SHROOM3: variants seen among roughly 807,000 people sequenced by gnomAD.
The protein encoded by SHROOM3 is shroom family member 3.
SHROOM3 carries 47 observed loss-of-function variants against 138.6 expected under a neutral mutation model. That is an observed-to-expected ratio of 0.34 (90% confidence interval 0.27 to 0.43). The LOEUF is 0.43. Ranked by LOEUF, SHROOM3 falls within the 20% of genes least tolerant of loss-of-function variation. SHROOM3 has a pLI of 1.00. For synonymous variants in SHROOM3, 1,062 were observed against 1,063.3 expected (o/e 1.00, Z 0.02); for missense variants, 2,491 against 2,596.5 (o/e 0.96, Z 0.88).
At chr4:76,455,825 C>G (rs1269497862) in intron 1 of SHROOM3, among the ~76,000 whole-genome samples, 1 of 151,956 alleles carries the variant, frequency 6.6e-6, no homozygotes, top group Non-Finnish European at 1.5e-5. Flanking sequence ...TTGGAAGGCA[C>G]CAAGTATTAA....
intron 1 of SHROOM3, among the ~76,000 whole-genome samples, chr4:76,484,461 C>A (rs1183297230): frequency 6.6e-6 from 1 of 151,954 alleles, no homozygotes; most frequent in Admixed American, 6.6e-5. Flanking sequence ...GTCCCAGCTA[C>A]TTGGGAGGCT....
chr4:76,630,640 A>G (rs945846197), intron 2 of SHROOM3, among the ~76,000 whole-genome samples: 3 of 152,168 alleles, frequency 2.0e-5, no homozygotes, highest in Admixed American at 2.0e-4. Context: ...AATCAGTCAC[A>G]AAAAAGTGAT....
chr4:76,599,812 G>C (rs566476303), intron 2 of SHROOM3, among the ~76,000 whole-genome samples: 6 of 152,242 alleles, frequency 3.9e-5, no homozygotes, highest in African/African-American at 1.4e-4. Context: ...CCACATGCTG[G>C]TCACAAGTGG....
At chr4:76,650,362 A>G (rs965330102) in intron 2 of SHROOM3, among the ~76,000 whole-genome samples, 4 of 152,144 alleles carry the variant, frequency 2.6e-5, no homozygotes, top group Non-Finnish European at 2.9e-5. Flanking sequence ...CACAACCACT[A>G]TGGAGAACAG....
chr4:76,496,381 G>C (rs1277192384), intron 1 of SHROOM3, among the ~76,000 whole-genome samples: 1 of 152,204 alleles, frequency 6.6e-6, no homozygotes, highest in East Asian at 1.9e-4. Flanking sequence ...TCGTGGAGCA[G>C]GTGTCCCTAA....
chr4:76,762,943 G>A (rs375244204), intron 9 of SHROOM3, among the ~76,000 whole-genome samples: 8 of 152,104 alleles, frequency 5.3e-5, no homozygotes, highest in South Asian at 2.1e-4. Flanking sequence ...AGAATGTATC[G>A]GTAGGAGTCA....
At chr4:76,439,789 T>A (rs1730631901) in intron 1 of SHROOM3, among the ~76,000 whole-genome samples, 1 of 152,194 alleles carries the variant, frequency 6.6e-6, no homozygotes, top group Admixed American at 6.5e-5. Flanking sequence ...TTTCTTTAGA[T>A]ATAAATGAGG....
At chr4:76,599,803 C>T (rs754342035) in intron 2 of SHROOM3, among the ~76,000 whole-genome samples, 35 of 152,118 alleles carry the variant, frequency 2.3e-4, no homozygotes, top group Non-Finnish European at 3.5e-4. Flanking sequence ...ACCTGCAGGC[C>T]ACATGCTGGT....
intron 2 of SHROOM3, among the ~76,000 whole-genome samples, chr4:76,567,330 T>C (rs1733746010): frequency 6.6e-6 from 1 of 151,956 alleles, no homozygotes; most frequent in South Asian, 2.1e-4. Context: ...AGGTCAGGAG[T>C]TCGAGACCAG....
chr4:76,492,992 G>A (rs1731885714), intron 1 of SHROOM3, among the ~76,000 whole-genome samples: 1 of 152,082 alleles, frequency 6.6e-6, no homozygotes, highest in South Asian at 2.1e-4. Flanking sequence ...AGGCCAAGGT[G>A]GGTGAATCAC....
intron 7 of SHROOM3, among the ~76,000 whole-genome samples, chr4:76,755,502 A>C (rs1358089252): frequency 1.3e-5 from 2 of 152,192 alleles, no homozygotes; most frequent in Non-Finnish European, 2.9e-5. Context: ...GTTAGGAAAT[A>C]AGACAAAAGA....
chr4:76,724,413 T>C (rs1412693256), intron 3 of SHROOM3, among the ~76,000 whole-genome samples: 1 of 152,166 alleles, frequency 6.6e-6, no homozygotes, highest in Non-Finnish European at 1.5e-5. Context: ...AAGTCAGCTG[T>C]TTAACTGAAA....
chr4:76,701,576 TTAAAG>T (rs549827599), intron 2 of SHROOM3, among the ~76,000 whole-genome samples: 43 of 152,368 alleles, frequency 2.8e-4, no homozygotes, highest in African/African-American at 1.0e-3. Context: ...TAATCTGGTA[TTAAAG>T]TAATGAATAA....
chr4:76,769,088 CA>C (rs989097146), intron 9 of SHROOM3, among the ~76,000 whole-genome samples: 16 of 151,518 alleles, frequency 1.1e-4, no homozygotes, highest in Non-Finnish European at 2.1e-4. Context: ...TTCTGTTGGT[CA>C]AAAATATGTT....
Position 76,754,702 on chromosome 4 carries a change from G to A in SHROOM3, c.4219G>A (p.Gly1407Ser). 1 of 1,614,196 alleles carries A rather than the reference G, an allele frequency of 6.2e-7. No homozygotes were observed. The highest frequency in any genetic ancestry group is 8.5e-7 in the Non-Finnish European group (1 of 1,180,032). ...PPGPRGCEGD[G>S]PEHGVEEGTR... ...CGGTCCAAGAGGCTGTGAGGGCGAT[G>A]GCCCAGAGCATGGGGTAGAAGAGGG... Residue 1407 changes from glycine (G) to serine (S), a missense_variant, in exon 7 of 11, where the codon GGC becomes AGC. By Grantham distance (56) the Gly-to-Ser change is moderately conservative. Coordinates refer to ENST00000296043, the MANE Select transcript of SHROOM3 (RefSeq NM_020859.4).
intron 5 of SHROOM3, among the ~76,000 whole-genome samples, chr4:76,743,320 T>C (rs567268518): frequency 1.5e-4 from 23 of 152,324 alleles, no homozygotes; most frequent in African/African-American, 4.6e-4. Flanking sequence ...CAGATGCTTA[T>C]AGGGCAGGAT....
chr4:76,696,031 G>A (rs1016082379), intron 2 of SHROOM3, among the ~76,000 whole-genome samples: 11 of 152,262 alleles, frequency 7.2e-5, no homozygotes, highest in Non-Finnish European at 1.0e-4. Flanking sequence ...CAAATGAGCC[G>A]TATTATTTTG....
intron 2 of SHROOM3, among the ~76,000 whole-genome samples, chr4:76,604,482 A>G (rs1371502630): frequency 6.6e-6 from 1 of 152,166 alleles, no homozygotes; most frequent in Non-Finnish European, 1.5e-5. Context: ...ATTGCTTTTG[A>G]GCTTAACTAA....
At position 76,446,740 on chromosome 4, in the gene SHROOM3, C is replaced by T. The variant is rs1730813731; in HGVS notation, c.168+10520C>T. ...CTGGGGCACATGAGGTTCATGCCTC[C>T]CGACATGCTGATGAGCCCCGGTTAT... On this transcript the variant is annotated intron_variant, in intron 1 of 10. Coordinates refer to ENST00000296043, the MANE Select transcript of SHROOM3 (RefSeq NM_020859.4). 5.3e-5 allele frequency among the ~76,000 whole-genome samples: 8 copies of T among 152,176 alleles called. 1 individual carries two copies. In the South Asian group the frequency reaches 1.7e-3, roughly 32 times the overall value.
Sources: gnomAD v4.1 joint callset for allele counts (sites outside exome capture counted in the v4.1 genomes callset) on GRCh38, gnomAD v4.1.1 for gene constraint, MANE v1.5 for transcripts, NCBI Gene and HGNC (gene_info 2026-07-23, HGNC 2026-07-21) for gene names.